Variants in COL6A6 observed in about 807,000 individuals in gnomAD.
COL6A6 encodes collagen type VI alpha 6 chain.
A neutral mutation model predicts 208.6 loss-of-function variants in COL6A6; 183 were observed. The ratio of observed to expected loss-of-function variants is 0.88; its 90% CI spans 0.78 to 0.99. The LOEUF is 0.99. Among genes scored for constraint, COL6A6 ranks in the 50% least tolerant of loss-of-function variants. The pLI is 0.00. For missense variants in COL6A6, 2,816 were observed against 2,815.2 expected, an observed-to-expected ratio of 1.00 and a Z score of -0.01; for synonymous variants, 973 against 1,011.8, an observed-to-expected ratio of 0.96 and a Z score of 0.73.
chr3:130,556,416 C>T (rs2062768349), intron 1 of COL6A6, among the ~76,000 whole-genome samples: 1 of 152,100 alleles, frequency 6.6e-6, no homozygotes, highest in South Asian at 2.1e-4. Flanking sequence ...ATAAAAGATT[C>T]AGATAATCTG....
Position 130,570,998 on chromosome 3 carries a change from T to A in COL6A6, c.2582T>A (p.Phe861Tyr). 6.2e-7 allele frequency: 1 copy of A among 1,613,928 alleles called. No individual in the cohort carries two copies. The highest frequency in any genetic ancestry group is 8.5e-7 in the Non-Finnish European group (1 of 1,179,866). ...LKYADDPEVLFYLDDFGTKLE... is the reference protein window; with the variant it reads ...LKYADDPEVLYYLDDFGTKLE... ...TATGCTGATGACCCAGAGGTGCTGTTTTATCTGGATGACTTTGGCACAAAA... is the reference window on the plus strand; with the variant it reads ...TATGCTGATGACCCAGAGGTGCTGTATTATCTGGATGACTTTGGCACAAAA... The change falls in exon 7 of 37, where the codon TTT becomes TAT. Residue 861 changes from phenylalanine (F) to tyrosine (Y), a missense_variant. Transcript: ENST00000358511.
chr3:130,660,673 C>G (rs2065910073), intron 34 of COL6A6, among the ~76,000 whole-genome samples: 2 of 152,170 alleles, frequency 1.3e-5, no homozygotes, highest in African/African-American at 4.8e-5. Flanking sequence ...TGAACTGAAG[C>G]CCAGTGGTGA....
chr3:130,542,073 C>T (rs1245133714), intron 1 of COL6A6, among the ~76,000 whole-genome samples: 2 of 150,034 alleles, frequency 1.3e-5, no homozygotes, highest in Admixed American at 1.3e-4. Flanking sequence ...TGGCTAAAGG[C>T]TTATCAATTT....
intron 1 of COL6A6, among the ~76,000 whole-genome samples, chr3:130,546,498 AC>A (rs2062501542): frequency 6.6e-6 from 1 of 152,164 alleles, no homozygotes; most frequent in Non-Finnish European, 1.5e-5. Context: ...ATGGAAGAGG[AC>A]CTAAGCAGGT....
intron 7 of COL6A6, 37 bp downstream of exon 7, chr3:130,571,430 C>G (rs1414106852): frequency 1.4e-6 from 2 of 1,443,824 alleles, no homozygotes; most frequent in Non-Finnish European, 1.9e-6. Context: ...TAATTATTAG[C>G]AGAGGGACAA....
chr3:130,638,936 A>C (rs566696789), intron 28 of COL6A6, among the ~76,000 whole-genome samples: 34 of 152,178 alleles, frequency 2.2e-4, no homozygotes, highest in South Asian at 2.1e-4. Context: ...CCTGGGCATT[A>C]GGTAGGTCCT....
At position 130,675,700 on chromosome 3, in the gene COL6A6, G is replaced by A; in HGVS notation, c.*303G>A. The A allele has an allele frequency of 4.5e-6, 1 of 221,098 alleles. No homozygotes were observed. Among genetic ancestry groups the A allele is most frequent in the Non-Finnish European group, 8.9e-6 (1 of 112,938 alleles). The allele number at this position is 221,098 out of a possible 1,614,324, so 13.7% of individuals were successfully genotyped here. A position where few individuals can be genotyped will look rare whatever the true frequency, so the allele number is the denominator to read the frequency against. ...AAATTTATATGATGTATGCATATGT[G>A]TACATGGGTCAATGTTAATTCTTTT... On this transcript the variant is annotated 3_prime_UTR_variant, in exon 37 of 37. Transcript: ENST00000358511.
In COL6A6 at chr3:130,615,604, A is replaced by G. The variant is rs1422869840; in HGVS notation, c.4815+4893A>G. Reference sequence around the variant, plus strand: ...TGATGAAGGTGCTTCTTCAAAAAGCATAAAAACTTTAAAATGTCATGGTAG... The same window carrying G: ...TGATGAAGGTGCTTCTTCAAAAAGCGTAAAAACTTTAAAATGTCATGGTAG... On this transcript the variant is annotated intron_variant, in intron 23 of 36. Coordinates refer to ENST00000358511, the MANE Select transcript of COL6A6 (RefSeq NM_001102608.3). Among the ~76,000 whole-genome samples, 4 of 152,218 alleles carry G rather than the reference A, an allele frequency of 2.6e-5. 1 individual carries two copies. Among genetic ancestry groups the G allele is most frequent in the Admixed American group, 2.6e-4 (4 of 15,280 alleles).
chr3:130,576,245 CCT>C (rs1366265020), intron 8 of COL6A6, among the ~76,000 whole-genome samples: 1 of 152,006 alleles, frequency 6.6e-6, no homozygotes, highest in African/African-American at 2.4e-5. Flanking sequence ...TCTGAAAGCC[CCT>C]CTCTCAGCTT....
chr3:130,637,579 G>C (rs988257736), intron 28 of COL6A6, among the ~76,000 whole-genome samples: 5 of 152,040 alleles, frequency 3.3e-5, no homozygotes, highest in African/African-American at 9.7e-5. Flanking sequence ...TTGAAGTTTA[G>C]ACATTGAAAA....
At chr3:130,623,838 A>G (rs1212410814) in intron 24 of COL6A6, among the ~76,000 whole-genome samples, 1 of 152,198 alleles carries the variant, frequency 6.6e-6, no homozygotes. Flanking sequence ...AGGAAACAAG[A>G]CAATGAATTA....
chr3:130,620,124 T>G (rs1290223257), intron 23 of COL6A6, among the ~76,000 whole-genome samples: 4 of 152,202 alleles, frequency 2.6e-5, no homozygotes, highest in South Asian at 2.1e-4. Flanking sequence ...GTTTTGTTTT[T>G]TTTTGGCATA....
Position 130,594,350 on chromosome 3 carries a change from G to T in COL6A6, c.4533+7G>T. On this transcript the variant is annotated splice_region_variant and intron_variant, in intron 18 of 36. Coordinates refer to ENST00000358511, the MANE Select transcript of COL6A6 (RefSeq NM_001102608.3). ...GGGCCTGCGAGGGGATCCCGTAAGTGCACGGGCTGCAAACTGGAGTTAGGG... is the reference window on the plus strand; with the variant it reads ...GGGCCTGCGAGGGGATCCCGTAAGTTCACGGGCTGCAAACTGGAGTTAGGG... The T allele has an allele frequency of 6.2e-7, 1 of 1,609,332 alleles. No individual in the cohort carries two copies. The highest frequency in any genetic ancestry group is 8.5e-7 in the Non-Finnish European group (1 of 1,177,668).
chr3:130,556,774 G>C (rs928570919), intron 1 of COL6A6, among the ~76,000 whole-genome samples: 2 of 152,026 alleles, frequency 1.3e-5, no homozygotes, highest in Admixed American at 1.3e-4. Flanking sequence ...TCATGTAGAT[G>C]GGTGAATCCT....
In COL6A6 at chr3:130,563,084, T is replaced by C. The variant is rs1318696063; in HGVS notation, c.81T>C (p.Asp27=). 1 of 1,611,646 alleles carries C rather than the reference T, an allele frequency of 6.2e-7. No individual in the cohort carries two copies. Among genetic ancestry groups the C allele is most frequent in the African/African-American group, 1.3e-5 (1 of 74,846 alleles). ...GTTTTGCAGGCCCTGAGTATGCAGA[T>C]GTTGTGTTTTTGGTGGACAGCTCTG... is the stretch of plus-strand genomic sequence containing the variant. ...VNQDSGPEYA[D]VVFLVDSSDR... The change falls in exon 3 of 37, where the codon GAT becomes GAC. Residue 27 remains aspartate (D), a synonymous_variant. Transcript: ENST00000358511.
intron 23 of COL6A6, among the ~76,000 whole-genome samples, chr3:130,614,129 G>A (rs1253192665): frequency 1.3e-5 from 2 of 152,130 alleles, no homozygotes; most frequent in Non-Finnish European, 2.9e-5. Context: ...TGCCTATTCA[G>A]TATGATATTA....
At chr3:130,554,982 G>A (rs2062735178) in intron 1 of COL6A6, among the ~76,000 whole-genome samples, 1 of 152,126 alleles carries the variant, frequency 6.6e-6, no homozygotes, top group African/African-American at 2.4e-5. Flanking sequence ...CCCAGAAGAG[G>A]CCAGCAGACA....
intron 36 of COL6A6, among the ~76,000 whole-genome samples, chr3:130,673,220 A>AAAAACC: frequency 7.7e-6 from 1 of 129,638 alleles, no homozygotes; most frequent in African/African-American, 2.9e-5. Flanking sequence ...AAAAAAACAA[A>AAAAACC]AAAAAAAAAC....
At chr3:130,546,692 T>G (rs2062508222) in intron 1 of COL6A6, among the ~76,000 whole-genome samples, 1 of 152,194 alleles carries the variant, frequency 6.6e-6, no homozygotes, top group African/African-American at 2.4e-5. Context: ...GTTCTCCAAG[T>G]CGTCACCAGA....
Sources: allele counts gnomAD v4.1 joint callset (sites outside exome capture counted in the v4.1 genomes callset), GRCh38; gene constraint gnomAD v4.1.1; transcripts MANE v1.5; gene names NCBI Gene and HGNC (gene_info 2026-07-23, HGNC 2026-07-21).